The following LRBA variants were observed in gnomAD, a reference collection of about 807,000 sequenced individuals.
The protein encoded by LRBA is lipopolysaccharide-responsive and beige-like anchor protein.
A neutral mutation model predicts 330.0 loss-of-function variants in LRBA; 176 were observed. The observed-to-expected ratio is 0.53, with a 90% confidence interval of 0.47 to 0.60. The LOEUF (loss-of-function observed/expected upper bound fraction) is 0.60, where lower values mean the gene tolerates loss of function less well. Ranked by LOEUF, LRBA falls within the 20% of genes least tolerant of loss-of-function variation. LRBA has a pLI of 0.00. For missense variants in LRBA, 3,259 were observed against 3,444.8 expected, an observed-to-expected ratio of 0.95 and a Z score of 1.35; for synonymous variants, 1,230 against 1,193.0, an observed-to-expected ratio of 1.03 and a Z score of -0.64.
Position 150,583,008 on chromosome 4 carries a change from T to G in LRBA, c.6330+5040A>C. The G allele has an allele frequency of 6.4e-7, 1 of 1,558,584 alleles. No homozygotes were observed. The highest frequency in any genetic ancestry group is 8.7e-7 in the Non-Finnish European group (1 of 1,151,990). ...CAACGTATTGCGAGACGCCGGTGTA[T>G]AGCCCGGACCTGTGCCCCAACATGA... On this transcript the variant is annotated intron_variant, in intron 40 of 56. Transcript: ENST00000651943. The surrounding 1 kb of genome is among the most constrained non-coding windows in gnomAD (Gnocchi z 9.8).
chr4:150,869,617 G>A (rs1038075541), intron 20 of LRBA, among the ~76,000 whole-genome samples: 1 of 152,136 alleles, frequency 6.6e-6, no homozygotes, highest in East Asian at 1.9e-4. Flanking sequence ...TGAACCAGGA[G>A]GCAGAGGTTA....
intron 35 of LRBA, among the ~76,000 whole-genome samples, chr4:150,752,066 T>G (rs895729101): frequency 3.3e-5 from 5 of 152,298 alleles, no homozygotes; most frequent in Admixed American, 2.0e-4. Flanking sequence ...GAAATAATGT[T>G]CCTGAATTGG....
intron 44 of LRBA, among the ~76,000 whole-genome samples, chr4:150,438,799 T>C (rs1751463299): frequency 6.6e-6 from 1 of 152,212 alleles, no homozygotes; most frequent in Non-Finnish European, 1.5e-5. Flanking sequence ...TTGTTAATTA[T>C]TTTTTCAAAA....
At chr4:151,007,758 G>A (rs1744273156) in intron 2 of LRBA, among the ~76,000 whole-genome samples, 1 of 150,688 alleles carries the variant, frequency 6.6e-6, no homozygotes, top group Non-Finnish European at 1.5e-5. Flanking sequence ...TTGGGAGGCT[G>A]AGGCAGGAGA....
intron 36 of LRBA, among the ~76,000 whole-genome samples, chr4:150,729,246 C>A (rs1178644818): frequency 6.6e-6 from 1 of 152,140 alleles, no homozygotes; most frequent in East Asian, 1.9e-4. Flanking sequence ...CCCAGAAGCT[C>A]AAGGCTGCAG....
chr4:150,800,301 G>A (rs530597255), intron 33 of LRBA, among the ~76,000 whole-genome samples: 13 of 152,304 alleles, frequency 8.5e-5, no homozygotes, highest in Admixed American at 2.6e-4. Flanking sequence ...AGGGTGGAAA[G>A]TATGTTCAAT....
intron 2 of LRBA, among the ~76,000 whole-genome samples, chr4:150,952,663 C>G (rs1009262587): frequency 3.3e-5 from 5 of 150,782 alleles, no homozygotes; most frequent in South Asian, 4.4e-4. Context: ...GTGGGGTGGG[C>G]GGGGTGGAGA....
chr4:150,504,881 A>G (rs1760834082), intron 40 of LRBA, among the ~76,000 whole-genome samples: 1 of 152,212 alleles, frequency 6.6e-6, no homozygotes, highest in Non-Finnish European at 1.5e-5. Context: ...ATGGAGGAAG[A>G]TCTACCAAGC....
intron 37 of LRBA, among the ~76,000 whole-genome samples, chr4:150,680,280 G>C (rs2126902036): frequency 6.6e-6 from 1 of 152,270 alleles, no homozygotes; most frequent in South Asian, 2.1e-4. Context: ...ACAGTAAAGG[G>C]CACAGTTATC....
In LRBA at chr4:150,783,064, G is replaced by A. The variant is rs545746431; in HGVS notation, c.5580+15017C>T. On this transcript the variant is annotated intron_variant, in intron 34 of 56. Transcript: ENST00000651943. ...AAAGCCTATCAGGCTGCAATAAACT[G>A]AAAGGTGGGCAGCTGAGCTTCTTGT... is the stretch of plus-strand genomic sequence containing the variant. 3.3e-5 allele frequency among the ~76,000 whole-genome samples: 5 copies of A among 152,296 alleles called. No individual in the cohort carries two copies. In the East Asian group the frequency reaches 9.6e-4, roughly 29 times the overall value.
At chr4:150,597,752 T>C (rs1773671325) in intron 38 of LRBA, among the ~76,000 whole-genome samples, 1 of 151,986 alleles carries the variant, frequency 6.6e-6, no homozygotes, top group Non-Finnish European at 1.5e-5. Flanking sequence ...CTCTGAAATC[T>C]GTTATCACCA....
intron 49 of LRBA, among the ~76,000 whole-genome samples, chr4:150,324,606 GA>G (rs1554000000): frequency 4.0e-4 from 58 of 143,236 alleles, no homozygotes; most frequent in Admixed American, 6.3e-4. Flanking sequence ...GAAGAGAAAG[GA>G]AAAAAAAAAA....
chr4:150,812,179 CT>C (rs1484064385), intron 31 of LRBA, among the ~76,000 whole-genome samples: 2 of 152,164 alleles, frequency 1.3e-5, no homozygotes, highest in Non-Finnish European at 2.9e-5. Flanking sequence ...AAAATATAAA[CT>C]TTCAATCAAT....
chr4:150,616,923 T>C (rs573930134), intron 37 of LRBA, among the ~76,000 whole-genome samples: 26 of 152,312 alleles, frequency 1.7e-4, no homozygotes, highest in African/African-American at 6.0e-4. Flanking sequence ...TAGAGAAATA[T>C]AATTTGAAAA....
intron 37 of LRBA, among the ~76,000 whole-genome samples, chr4:150,610,672 C>G (rs1775163021): frequency 6.6e-6 from 1 of 152,060 alleles, no homozygotes; most frequent in South Asian, 2.1e-4. Flanking sequence ...ATTTGGTTGG[C>G]AGACCAAAAT....
At chr4:150,742,724 C>CA (rs1317153965) in intron 35 of LRBA, among the ~76,000 whole-genome samples, 6 of 151,816 alleles carry the variant, frequency 4.0e-5, no homozygotes, top group African/African-American at 1.2e-4. Context: ...TTCTTCTCTA[C>CA]AAAAAAACAC....
At chr4:150,974,914 T>G (rs186234635) in intron 2 of LRBA, among the ~76,000 whole-genome samples, 153 of 152,218 alleles carry the variant, frequency 1.0e-3, no homozygotes, top group Non-Finnish European at 2.0e-3. Flanking sequence ...ACTGAACTGA[T>G]ATTGAAACCA....
At chr4:150,962,079 T>A (rs949341894) in intron 2 of LRBA, among the ~76,000 whole-genome samples, 2 of 149,586 alleles carry the variant, frequency 1.3e-5, no homozygotes, top group Admixed American at 1.3e-4. Flanking sequence ...CTATGGTTTT[T>A]CTGTTTTTCA....
At chr4:150,468,442 A>C (rs1344193113) in intron 43 of LRBA, among the ~76,000 whole-genome samples, 1 of 152,080 alleles carries the variant, frequency 6.6e-6, no homozygotes, top group African/African-American at 2.4e-5. Context: ...ATTTTCAATG[A>C]CATATTTAGA....
Sources: gnomAD v4.1 joint callset for allele counts (sites outside exome capture counted in the v4.1 genomes callset) on GRCh38, gnomAD v4.1.1 for gene constraint, Gnocchi (gnomAD v3.1) non-coding constraint, MANE v1.5 for transcripts, NCBI Gene and HGNC (gene_info 2026-07-23, HGNC 2026-07-21) for gene names.